EXD3: variants seen among roughly 807,000 people sequenced by gnomAD.
EXD3 encodes exonuclease mut-7 homolog.
Under a neutral mutation model 98.0 loss-of-function variants are expected in EXD3, and 92 were observed. That is an observed-to-expected ratio of 0.94 (90% confidence interval 0.79 to 1.12). The LOEUF (loss-of-function observed/expected upper bound fraction) is 1.12, where lower values mean the gene tolerates loss of function less well. EXD3 is among the 50% of genes most tolerant of loss of function. EXD3 has a pLI of 0.00. For missense variants in EXD3, 1,222 were observed against 1,191.6 expected, an observed-to-expected ratio of 1.03 and a Z score of -0.38; for synonymous variants, 569 against 526.0, an observed-to-expected ratio of 1.08 and a Z score of -1.12.
chr9:137,419,842 T>C (rs1042326484), intron 1 of EXD3, among the ~76,000 whole-genome samples: 1 of 151,570 alleles, frequency 6.6e-6, no homozygotes, highest in Admixed American at 6.6e-5. Context: ...GATGCATTCA[T>C]GAGGATTGTT....
rs566367723 is a variant in EXD3, at chr9:137,345,478, A to G, written c.1998+2593T>C. Among the ~76,000 whole-genome samples, 13 of 152,262 alleles carry G rather than the reference A, an allele frequency of 8.5e-5. No homozygotes were observed. In the South Asian group the frequency reaches 1.9e-3, roughly 22 times the overall value. On this transcript the variant is annotated intron_variant, in intron 17 of 21. Transcript: ENST00000340951. ...GGAATTCGAGACCAGCCTGACCAAC[A>G]TGGAGAAACCCTGTCTGTACTAAAA...
At chr9:137,329,053 G>GCTACACGGGA (rs1832738688) in intron 17 of EXD3, among the ~76,000 whole-genome samples, 6 of 8,196 alleles carry the variant, frequency 7.3e-4, no homozygotes, top group Non-Finnish European at 1.2e-3. Flanking sequence ...GCTACACGGG[G>GCTACACGGGA]CTACACGGGA....
chr9:137,351,380 C>T lies in EXD3; in HGVS notation c.1322G>A (p.Gly441Glu), dbSNP rs373425377. 1 of 1,611,336 alleles carries T rather than the reference C, an allele frequency of 6.2e-7. No individual in the cohort carries two copies. Reference protein sequence around the residue: ...LALSQPPTGQGAQAFSRLVAQ... With the variant: ...LALSQPPTGQEAQAFSRLVAQ... The stretch of plus-strand genomic sequence containing the variant: ...CACCAGCCGGGAAAAGGCCTGGGCT[C>T]CCTGCCCTGTTGGTGGCTGCGAGAG... Residue 441 changes from glycine to glutamate, a missense_variant, in exon 13 of 22, where the codon GGA becomes GAA. Gly to Glu is a moderately conservative substitution (Grantham distance 98). Transcript: ENST00000340951.
At chr9:137,369,351 A>G (rs28576425) in intron 5 of EXD3, among the ~76,000 whole-genome samples, 19,011 of 152,086 alleles carry the variant, frequency 0.13, 1,724 homozygotes, top group Admixed American at 0.22. Flanking sequence ...CCCCCTGAGA[A>G]GCTGCCAGAG....
At chr9:137,414,736 C>T (rs1478688135) in intron 1 of EXD3, among the ~76,000 whole-genome samples, 2 of 152,130 alleles carry the variant, frequency 1.3e-5, no homozygotes, top group Admixed American at 6.5e-5. Flanking sequence ...GGATATTGCA[C>T]AGGAGATGGA....
Position 137,373,416 on chromosome 9 carries a change from A to T in EXD3, c.294+10T>A. 1 of 1,604,466 alleles carries T rather than the reference A, an allele frequency of 6.2e-7. No homozygotes were observed. Among genetic ancestry groups the T allele is most frequent in the Non-Finnish European group, 8.5e-7 (1 of 1,179,082 alleles). On this transcript the variant is annotated intron_variant, in intron 4 of 21. Coordinates refer to ENST00000340951, the MANE Select transcript of EXD3 (RefSeq NM_017820.5). ...AAGGGAGGTGACTGTCACAGAACCC[A>T]TGGGCTCACCTGGGCCAGGCTCGGG...
chr9:137,381,759 A>C (rs992419257), intron 3 of EXD3, among the ~76,000 whole-genome samples: 12 of 151,974 alleles, frequency 7.9e-5, no homozygotes, highest in Admixed American at 6.6e-5. Context: ...GTGCCACCAT[A>C]TGGGGGTCCC....
At chr9:137,312,821 G>A (rs764043980) in intron 19 of EXD3, among the ~76,000 whole-genome samples, 3 of 152,100 alleles carry the variant, frequency 2.0e-5, no homozygotes, top group Non-Finnish European at 4.4e-5. Context: ...CCACCACCAA[G>A]GGAGCGACCA....
chr9:137,336,981 T>A (rs999374009), intron 17 of EXD3, among the ~76,000 whole-genome samples: 6 of 152,202 alleles, frequency 3.9e-5, no homozygotes, highest in East Asian at 1.9e-4. Flanking sequence ...TAGATTTTTT[T>A]AAAAAACCCA....
chr9:137,389,144 G>T (rs1836763708), intron 2 of EXD3, among the ~76,000 whole-genome samples: 1 of 152,176 alleles, frequency 6.6e-6, no homozygotes. Flanking sequence ...ACCGTCTCTG[G>T]TCTCAGATTC....
intron 17 of EXD3, among the ~76,000 whole-genome samples, chr9:137,344,111 T>G (rs929817750): frequency 2.6e-5 from 4 of 151,508 alleles, no homozygotes; most frequent in African/African-American, 9.7e-5. Flanking sequence ...CAGGATGGTC[T>G]CGATCTTCTG....
intron 16 of EXD3, among the ~76,000 whole-genome samples, 197 bp downstream of exon 16, chr9:137,348,913 C>A (rs534952726): frequency 6.6e-6 from 1 of 151,910 alleles, no homozygotes; most frequent in African/African-American, 2.4e-5. Flanking sequence ...TGAGCAGTGA[C>A]CCCCCAGGCA....
At chr9:137,314,282 C>T (rs776430042) in intron 19 of EXD3, among the ~76,000 whole-genome samples, 12 of 152,220 alleles carry the variant, frequency 7.9e-5, no homozygotes, top group Non-Finnish European at 1.8e-4. Flanking sequence ...TGACCCGACA[C>T]TGTCCCCTGC....
Position 137,338,898 on chromosome 9 carries a change from A to G in EXD3, c.1998+9173T>C, listed in dbSNP as rs917685812. On this transcript the variant is annotated intron_variant, in intron 17 of 21. Transcript: ENST00000340951. ...ACAGAGCGAGACTCCATCTCAAAAA[A>G]AAAAAAAAAAAGGGCAGTAAGTTGA... is the stretch of plus-strand genomic sequence containing the variant. Among the ~76,000 whole-genome samples the G allele has an allele frequency of 7.1e-4, 107 of 151,666 alleles. 2 individuals are homozygous for G. The highest frequency in any genetic ancestry group is 2.4e-3 in the African/African-American group (98 of 41,392).
chr9:137,318,461 C>T (rs1038374571), intron 19 of EXD3, among the ~76,000 whole-genome samples: 23 of 152,174 alleles, frequency 1.5e-4, no homozygotes, highest in Admixed American at 1.2e-3. Flanking sequence ...GGCTGCAGCC[C>T]GCTCCTCAAC....
At chr9:137,375,855 A>ATTCT (rs1835872685) in intron 3 of EXD3, among the ~76,000 whole-genome samples, 1 of 152,218 alleles carries the variant, frequency 6.6e-6, no homozygotes, top group Admixed American at 6.5e-5. Flanking sequence ...AAAACTTAGA[A>ATTCT]AACACACAAG....
In EXD3 at chr9:137,353,974, T is replaced by A. The variant is rs9696222; in HGVS notation, c.870+365A>T. ...GGCCGGCTCTGCGCTGGCACCGGGC[T>A]GGGGGGGCCTGGCCTTCCTCCTTCC... is the stretch of plus-strand genomic sequence containing the variant. On this transcript the variant is annotated intron_variant, in intron 10 of 21. Coordinates refer to ENST00000340951, the MANE Select transcript of EXD3 (RefSeq NM_017820.5). 4.2e-4 allele frequency: 451 copies of A among 1,084,030 alleles called. 2 individuals are homozygous for A. The highest frequency in any genetic ancestry group is 4.1e-3 in the African/African-American group (251 of 60,800). The allele number at this position is 1,084,030 out of a possible 1,614,324, so 67.2% of individuals were successfully genotyped here. A position where few individuals can be genotyped will look rare whatever the true frequency, so the allele number is the denominator to read the frequency against.
In EXD3 at chr9:137,374,857, C is replaced by A. The variant is rs142069617; in HGVS notation, c.121-1258G>T. 1.1e-5 allele frequency: 11 copies of A among 985,494 alleles called. No individual in the cohort carries two copies. In the African/African-American group the frequency reaches 1.9e-4, roughly 17 times the overall value. 61.0% of individuals were successfully genotyped at this position (985,494 alleles called of 1,614,324 possible). A position where few individuals can be genotyped will look rare whatever the true frequency, so the allele number is the denominator to read the frequency against. On this transcript the variant is annotated intron_variant, in intron 3 of 21. Coordinates refer to ENST00000340951, the MANE Select transcript of EXD3 (RefSeq NM_017820.5). ...CTTGAAGGAGCTCCAGGAACTTAGT[C>A]CTAGCCCTAGTGAGTTCTAACTCTA...
chr9:137,319,760 T>C (rs1831927032), intron 19 of EXD3, among the ~76,000 whole-genome samples: 2 of 152,202 alleles, frequency 1.3e-5, no homozygotes, highest in Admixed American at 1.3e-4. Flanking sequence ...CCTGGAAGGC[T>C]GGCTTCAAAT....
Sources: allele counts gnomAD v4.1 joint callset (sites outside exome capture counted in the v4.1 genomes callset), GRCh38; gene constraint gnomAD v4.1.1; transcripts MANE v1.5; gene names NCBI Gene and HGNC (gene_info 2026-07-23, HGNC 2026-07-21).